MYO5B: variants seen among roughly 807,000 people sequenced by gnomAD.
The protein encoded by MYO5B is unconventional myosin-Vb.
MYO5B carries 143 observed loss-of-function variants against 229.3 expected under a neutral mutation model. That is an observed-to-expected ratio of 0.62 (90% CI 0.54 to 0.72). The LOEUF (loss-of-function observed/expected upper bound fraction) is 0.72, where lower values mean the gene tolerates loss of function less well. Among genes scored for constraint, MYO5B ranks in the 30% least tolerant of loss-of-function variants. The pLI is 0.00. For synonymous variants in MYO5B, 918 were observed against 885.2 expected (o/e 1.04, Z -0.66); for missense variants, 2,321 against 2,331.0 (o/e 1.00, Z 0.09).
intron 1 of MYO5B, among the ~76,000 whole-genome samples, chr18:50,124,550 AC>A (rs1568116320): frequency 1.2e-4 from 19 of 152,210 alleles, no homozygotes; most frequent in Non-Finnish European, 2.5e-4. Flanking sequence ...GAAAACAACA[AC>A]AACAAAAAAC....
intron 1 of MYO5B, among the ~76,000 whole-genome samples, chr18:50,123,923 C>G (rs2032112893): frequency 6.6e-6 from 1 of 152,200 alleles, no homozygotes. Flanking sequence ...GATACACACA[C>G]AGATACATGC....
intron 17 of MYO5B, among the ~76,000 whole-genome samples, chr18:49,926,800 C>G (rs1460253804): frequency 6.6e-6 from 1 of 152,132 alleles, no homozygotes; most frequent in Non-Finnish European, 1.5e-5. Flanking sequence ...AATGGATAAG[C>G]AAAATGGGGT....
intron 1 of MYO5B, among the ~76,000 whole-genome samples, chr18:50,194,492 GA>G (rs1379013074): frequency 1.1e-4 from 16 of 152,334 alleles, no homozygotes; most frequent in African/African-American, 3.6e-4. Context: ...GCGCGGCGGG[GA>G]GGGGGCGACA....
At position 49,918,135 on chromosome 18, in the gene MYO5B, G is replaced by A. The variant is rs558203194; in HGVS notation, c.2091-5962C>T. On this transcript the variant is annotated intron_variant, in intron 17 of 39. Transcript: ENST00000285039. ...AGCTTTGGGATGTTGTTTGGCTAAC[G>A]GAGGTCCCATACAGAGCCTAACACC... Among the ~76,000 whole-genome samples, 12 of 152,308 alleles carry A rather than the reference G, an allele frequency of 7.9e-5. No homozygotes were observed. The South Asian group carries it at 1.0e-3, about 13-fold the overall frequency.
At chr18:50,017,610 G>A (rs1359519299) in intron 4 of MYO5B, among the ~76,000 whole-genome samples, 4 of 152,146 alleles carry the variant, frequency 2.6e-5, no homozygotes, top group Non-Finnish European at 5.9e-5. Context: ...AAATATTCAT[G>A]GAGAAGCATT....
chr18:49,852,983 C>T (rs2024218954), intron 31 of MYO5B, among the ~76,000 whole-genome samples: 1 of 152,212 alleles, frequency 6.6e-6, no homozygotes, highest in Non-Finnish European at 1.5e-5. Context: ...GCTGGGGCTC[C>T]TTTGGTGACT....
At chr18:49,974,190 A>G (rs1431815409) in intron 10 of MYO5B, among the ~76,000 whole-genome samples, 160 bp downstream of exon 10, 1 of 152,202 alleles carries the variant, frequency 6.6e-6, no homozygotes, top group African/African-American at 2.4e-5. Context: ...CTCAGGCCCC[A>G]TCATTGTGTC....
intron 31 of MYO5B, chr18:49,850,162 GCC>G (rs1280142417): frequency 4.6e-6 from 1 of 218,226 alleles, no homozygotes; most frequent in Non-Finnish European, 9.2e-6. Context: ...GCCACTGGAA[GCC>G]CATCAGCCCA....
chr18:49,931,459 A>G (rs1471483974), intron 16 of MYO5B, among the ~76,000 whole-genome samples: 1 of 152,122 alleles, frequency 6.6e-6, no homozygotes, highest in Non-Finnish European at 1.5e-5. Context: ...GTGAGGCACA[A>G]CGGAACACTG....
At chr18:50,185,369 G>T (rs1382813143) in intron 1 of MYO5B, among the ~76,000 whole-genome samples, 1 of 151,808 alleles carries the variant, frequency 6.6e-6, no homozygotes, top group African/African-American at 2.4e-5. Flanking sequence ...GTTCTCTTGT[G>T]GTGGCTATTG....
intron 1 of MYO5B, among the ~76,000 whole-genome samples, chr18:50,189,577 C>G (rs1437316577): frequency 1.3e-5 from 2 of 152,274 alleles, no homozygotes; most frequent in South Asian, 2.1e-4. Flanking sequence ...TGGGAGTGAG[C>G]TAACACCAAG....
At chr18:50,146,144 C>T (rs1310623257) in intron 1 of MYO5B, among the ~76,000 whole-genome samples, 1 of 152,166 alleles carries the variant, frequency 6.6e-6, no homozygotes, top group Non-Finnish European at 1.5e-5. Context: ...GTTCTGCCTT[C>T]ACTCAGTCTA....
chr18:49,831,785 C>A (rs751407582), intron 39 of MYO5B, among the ~76,000 whole-genome samples: 8 of 152,142 alleles, frequency 5.3e-5, no homozygotes, highest in Non-Finnish European at 8.8e-5. Context: ...AAAAATTGAT[C>A]TCAGCTCCTT....
chr18:49,952,842 A>G (rs2025444191), intron 14 of MYO5B, among the ~76,000 whole-genome samples: 1 of 151,956 alleles, frequency 6.6e-6, no homozygotes, highest in African/African-American at 2.4e-5. Flanking sequence ...TGCAGATACT[A>G]GATGTGATGG....
intron 21 of MYO5B, among the ~76,000 whole-genome samples, chr18:49,902,146 G>A (rs1263095994): frequency 1.3e-5 from 2 of 152,152 alleles, no homozygotes; most frequent in African/African-American, 2.4e-5. Context: ...GGGTTGGCAC[G>A]GCTGCATTCT....
chr18:49,947,947 T>C (rs1598904326), intron 14 of MYO5B, among the ~76,000 whole-genome samples: 1 of 152,222 alleles, frequency 6.6e-6, no homozygotes, highest in East Asian at 1.9e-4. Flanking sequence ...TGTGCCATGT[T>C]GGTGTGCTGC....
In MYO5B at chr18:49,912,141, C is replaced by G; in HGVS notation, c.2123G>C (p.Arg708Pro). Residue 708 changes from arginine (R) to proline (P), a missense_variant, in exon 18 of 40, where the codon CGG (arginine) becomes CCG (proline). Around this residue, in one of 2 missense-constraint regions of MYO5B, gnomAD observed 2,113 missense variants for 2,044.7 expected, o/e 1.03. Transcript: ENST00000285039. ...GAGCTCTCTCTTCTTGACCAGCACC[C>G]GATACCGGTTGAAAAAGTCATGGTA... ...WAYHDFFNRY[R>P]VLVKKRELAN... 3 of 1,613,954 alleles carry G rather than the reference C, an allele frequency of 1.9e-6. No individual in the cohort carries two copies. Among genetic ancestry groups the G allele is most frequent in the Non-Finnish European group, 2.5e-6 (3 of 1,180,004 alleles).
chr18:49,868,279 A>G (rs922227493), intron 27 of MYO5B, among the ~76,000 whole-genome samples: 2 of 152,338 alleles, frequency 1.3e-5, no homozygotes. Context: ...ATAAATTTAC[A>G]AATAAAATGA....
At chr18:50,019,000 T>C (rs562150062) in intron 4 of MYO5B, among the ~76,000 whole-genome samples, 3 of 152,306 alleles carry the variant, frequency 2.0e-5, no homozygotes, top group South Asian at 2.1e-4. Flanking sequence ...ACTTACATTA[T>C]TGGACTTCAC....
Sources: gnomAD v4.1 joint callset for allele counts (sites outside exome capture counted in the v4.1 genomes callset) on GRCh38, gnomAD v4.1.1 for gene constraint, gnomAD v4.1.1 regional missense constraint, MANE v1.5 for transcripts, NCBI Gene and HGNC (gene_info 2026-07-23, HGNC 2026-07-21) for gene names.